KIF13B: variants seen among roughly 807,000 people sequenced by gnomAD.
KIF13B encodes the protein kinesin family member 13B.
Under a neutral mutation model 222.0 loss-of-function variants are expected in KIF13B, and 127 were observed. The ratio of observed to expected loss-of-function variants is 0.57; its 90% confidence interval spans 0.50 to 0.66. KIF13B has a LOEUF of 0.66. KIF13B is among the 30% of genes least tolerant of loss of function. The pLI is 0.00. For synonymous variants in KIF13B, 976 were observed against 919.0 expected, an observed-to-expected ratio of 1.06 and a Z score of -1.12; for missense variants, 2,173 against 2,379.0, an observed-to-expected ratio of 0.91 and a Z score of 1.80.
chr8:29,113,316 T>G (rs1014437263), intron 32 of KIF13B, 147 bp downstream of exon 32: 18 of 534,560 alleles, frequency 3.4e-5, no homozygotes, highest in Non-Finnish European at 5.5e-5. Context: ...TTACTATGAA[T>G]TGATATTAGA....
Position 29,083,048 on chromosome 8 carries a change from G to C in KIF13B, c.4459-7705C>G, listed in dbSNP as rs190985647. Among the ~76,000 whole-genome samples, 7 of 152,084 alleles carry C rather than the reference G, an allele frequency of 4.6e-5. No individual in the cohort carries two copies. The East Asian group carries it at 1.4e-3, about 29-fold the overall frequency. ...GGAGGCTGAGATGGGAGAATCACTTGAGCCCAGGAGGTCAAAGCTGCAATG... is the reference window on the plus strand; with the variant it reads ...GGAGGCTGAGATGGGAGAATCACTTCAGCCCAGGAGGTCAAAGCTGCAATG... On this transcript the variant is annotated intron_variant, in intron 37 of 39. Transcript: ENST00000524189.
In KIF13B at chr8:29,176,682, A is replaced by T. The variant is rs1433524709; in HGVS notation, c.834-503T>A. 2.6e-5 allele frequency among the ~76,000 whole-genome samples: 4 copies of T among 152,180 alleles called. No homozygotes were observed. The South Asian group carries it at 6.2e-4, about 24-fold the overall frequency. On this transcript the variant is annotated intron_variant, in intron 9 of 39. Coordinates refer to ENST00000524189, the MANE Select transcript of KIF13B (RefSeq NM_015254.4). ...AGAAAATGTGAAGTCCATATGAAGG[A>T]ACTGATAAACAAAATATTACTTCGT...
At position 29,140,204 on chromosome 8, in the gene KIF13B, G is replaced by A. The variant is rs773070554; in HGVS notation, c.2485-13C>T. 9 of 1,613,114 alleles carry A rather than the reference G, an allele frequency of 5.6e-6. No individual in the cohort carries two copies. In the South Asian group the frequency reaches 9.9e-5, roughly 18 times the overall value. ...GCCGACCTGCCACCTGCAGCAATGA[G>A]GGAAGGCAGAAACATTTCTCCAGAT... On this transcript the variant is annotated splice_polypyrimidine_tract_variant and intron_variant, in intron 20 of 39. Transcript: ENST00000524189.
At chr8:29,232,211 T>G (rs746614992) in intron 2 of KIF13B, among the ~76,000 whole-genome samples, 1 of 151,934 alleles carries the variant, frequency 6.6e-6, no homozygotes, top group South Asian at 2.1e-4. Flanking sequence ...TAAGCCATGA[T>G]TGCACTACTA....
chr8:29,107,821 A>G (rs1461761303), intron 35 of KIF13B, among the ~76,000 whole-genome samples: 1 of 152,032 alleles, frequency 6.6e-6, no homozygotes, highest in Admixed American at 6.5e-5. Flanking sequence ...TGGCCTCCCA[A>G]AGTGCTGGGA....
intron 18 of KIF13B, among the ~76,000 whole-genome samples, chr8:29,144,138 A>C (rs1810948241): frequency 6.6e-6 from 1 of 152,140 alleles, no homozygotes; most frequent in Non-Finnish European, 1.5e-5. Flanking sequence ...GTTCTACTTA[A>C]AACTGAAGAG....
intron 13 of KIF13B, among the ~76,000 whole-genome samples, chr8:29,157,384 G>A (rs1347208308): frequency 2.6e-5 from 3 of 115,054 alleles, no homozygotes; most frequent in Non-Finnish European, 3.4e-5. Context: ...GTGAGACCTC[G>A]TCTCTACCAA....
At chr8:29,085,532 ATTTT>A (rs528139248) in intron 37 of KIF13B, among the ~76,000 whole-genome samples, 1 of 145,774 alleles carries the variant, frequency 6.9e-6, no homozygotes, top group Non-Finnish European at 1.5e-5. Context: ...ACACCCACAT[ATTTT>A]TTTTTTTAAT....
intron 35 of KIF13B, among the ~76,000 whole-genome samples, chr8:29,103,703 A>G (rs901027712): frequency 6.6e-6 from 1 of 151,992 alleles, no homozygotes; most frequent in Non-Finnish European, 1.5e-5. Flanking sequence ...ATCGACAAAT[A>G]GAGGAATGGA....
At chr8:29,122,111 G>A (rs1373510644) in intron 29 of KIF13B, among the ~76,000 whole-genome samples, 6 of 151,956 alleles carry the variant, frequency 3.9e-5, no homozygotes, top group African/African-American at 7.3e-5. Context: ...AAAATTAGCC[G>A]GGCGTGGTGG....
At position 29,146,417 on chromosome 8, in the gene KIF13B, G is replaced by C. The variant is rs773407770; in HGVS notation, c.2148C>G (p.Thr716=). The C allele has an allele frequency of 1.1e-5, 18 of 1,613,616 alleles. No homozygotes were observed. The highest frequency in any genetic ancestry group is 1.5e-5 in the Non-Finnish European group (18 of 1,179,802). ...ELDKRTEYKV[T]LQIPASSLDA... ...CCAGGCTGGAGGCTGGAATCTGTAG[G>C]GTAACTTTGTATTCTGTTCTTTTAT... The change falls in exon 18 of 40, where the codon ACC becomes ACG. Residue 716 remains threonine (T), a synonymous_variant. Coordinates refer to ENST00000524189, the MANE Select transcript of KIF13B (RefSeq NM_015254.4).
intron 2 of KIF13B, among the ~76,000 whole-genome samples, chr8:29,210,064 A>G (rs1053917043): frequency 2.0e-5 from 2 of 99,410 alleles, no homozygotes; most frequent in Non-Finnish European, 4.1e-5. Context: ...TCAGAGAGAG[A>G]AAAAAAAAAA....
intron 6 of KIF13B, among the ~76,000 whole-genome samples, chr8:29,184,224 T>C (rs559583215): frequency 6.1e-4 from 92 of 152,030 alleles, no homozygotes; most frequent in South Asian, 2.7e-3. Context: ...ATATAATTAG[T>C]ACGTGAATAA....
At chr8:29,191,678 T>C (rs992893656) in intron 3 of KIF13B, among the ~76,000 whole-genome samples, 1 of 152,250 alleles carries the variant, frequency 6.6e-6, no homozygotes, top group Non-Finnish European at 1.5e-5. Context: ...ATCTTACAGA[T>C]GATCTGTTTT....
At chr8:29,242,297 T>C (rs1447374016) in intron 2 of KIF13B, among the ~76,000 whole-genome samples, 1 of 152,054 alleles carries the variant, frequency 6.6e-6, no homozygotes, top group Non-Finnish European at 1.5e-5. Flanking sequence ...AAAAAGAAAC[T>C]ACTTTGCCTA....
chr8:29,252,241 A>G (rs1470217102), intron 1 of KIF13B, among the ~76,000 whole-genome samples: 1 of 152,230 alleles, frequency 6.6e-6, no homozygotes, highest in Non-Finnish European at 1.5e-5. Context: ...ACCTTGTAAA[A>G]GTGAACAATA....
intron 37 of KIF13B, among the ~76,000 whole-genome samples, chr8:29,085,320 C>T (rs1037285648): frequency 6.6e-6 from 1 of 152,164 alleles, no homozygotes; most frequent in Non-Finnish European, 1.5e-5. Context: ...ATGTGAAGGA[C>T]ACTCTAATGA....
Position 29,070,705 on chromosome 8 carries a change from C to T in KIF13B, c.5280G>A (p.Leu1760=), listed in dbSNP as rs557306690. ...TGCGGACCCGGCTGGGCCTGACCAG[C>T]AGCCCGTAGCCAGGGTTACACCTGA... is the stretch of plus-strand genomic sequence containing the variant. ...QYFRCNPGYG[L]LVRPSRVRRA... The change falls in exon 40 of 40, where the codon CTG becomes CTA. Residue 1760 remains leucine, a synonymous_variant. Coordinates refer to ENST00000524189, the MANE Select transcript of KIF13B (RefSeq NM_015254.4). This position sits in a 1 kb window ranked among gnomAD's most constrained non-coding sequence, Gnocchi z 4.1. 42 of 1,561,432 alleles carry T rather than the reference C, an allele frequency of 2.7e-5. No individual in the cohort carries two copies. The South Asian group carries it at 4.8e-4, about 18-fold the overall frequency.
intron 2 of KIF13B, among the ~76,000 whole-genome samples, chr8:29,201,706 C>T (rs1034408676): frequency 1.2e-4 from 19 of 152,214 alleles, no homozygotes; most frequent in Admixed American, 1.2e-3. Flanking sequence ...CAAGACCCCA[C>T]CCCAACCCGC....
Sources: gnomAD v4.1 joint callset for allele counts (sites outside exome capture counted in the v4.1 genomes callset) on GRCh38, gnomAD v4.1.1 for gene constraint, Gnocchi (gnomAD v3.1) non-coding constraint, MANE v1.5 for transcripts, NCBI Gene and HGNC (gene_info 2026-07-23, HGNC 2026-07-21) for gene names.